Variants in CTNNA2 observed in about 807,000 individuals in gnomAD.
CTNNA2 encodes catenin alpha-2.
In CTNNA2, 42 loss-of-function variants were observed where a neutral mutation model predicts 101.0. The ratio of observed to expected loss-of-function variants is 0.42; its 90% CI spans 0.32 to 0.54. CTNNA2 has a LOEUF of 0.54. Among genes scored for constraint, CTNNA2 ranks in the 20% least tolerant of loss-of-function variants. The pLI is 0.14. For synonymous variants in CTNNA2, 450 were observed against 456.4 expected (o/e 0.99, Z 0.18); for missense variants, 871 against 1,223.1 (o/e 0.71, Z 4.29).
At chr2:80,602,628 A>G (rs1214375371) in intron 15 of CTNNA2, among the ~76,000 whole-genome samples, 1 of 152,132 alleles carries the variant, frequency 6.6e-6, no homozygotes, top group African/African-American at 2.4e-5. Flanking sequence ...TCCTTAAAAA[A>G]TAAAAACCAT....
intron 3 of CTNNA2, among the ~76,000 whole-genome samples, chr2:79,336,642 C>A (rs1677000201): frequency 6.6e-6 from 1 of 152,088 alleles, no homozygotes; most frequent in African/African-American, 2.4e-5. Flanking sequence ...TTGTTGGATG[C>A]CCCATCTTCT....
At chr2:80,397,549 G>A (rs1678128590) in intron 8 of CTNNA2, among the ~76,000 whole-genome samples, 1 of 152,116 alleles carries the variant, frequency 6.6e-6, no homozygotes, top group South Asian at 2.1e-4. Context: ...CACAAGACCT[G>A]ATGGTTTTAT....
chr2:80,476,073 T>C (rs1685705262), intron 9 of CTNNA2, among the ~76,000 whole-genome samples: 1 of 152,140 alleles, frequency 6.6e-6, no homozygotes, highest in Non-Finnish European at 1.5e-5. Flanking sequence ...TATCTCTTTA[T>C]TTTTTTACAT....
At chr2:79,745,813 G>A (rs887126149) in intron 3 of CTNNA2, among the ~76,000 whole-genome samples, 4 of 152,174 alleles carry the variant, frequency 2.6e-5, no homozygotes, top group Admixed American at 2.6e-4. Flanking sequence ...ATTCACGGAT[G>A]TTTGGGTTGC....
chr2:80,425,009 C>G (rs1170982219), intron 9 of CTNNA2, among the ~76,000 whole-genome samples: 1 of 152,208 alleles, frequency 6.6e-6, no homozygotes, highest in African/African-American at 2.4e-5. Context: ...CCAAGGAATT[C>G]TCTTCCTCTC....
rs1004219475 is a variant in CTNNA2 at position 80,348,370 on chromosome 2, G to A, written c.1057-44841G>A. ...TTCCGAATATGTTTTCAGAGGGAAG[G>A]TTATGGTCTAAAGAATGTCATTTAA... On this transcript the variant is annotated intron_variant, in intron 7 of 18. Transcript: ENST00000402739. Among the ~76,000 whole-genome samples the A allele has an allele frequency of 5.3e-5, 8 of 152,266 alleles. No homozygotes were observed. The Middle Eastern group carries it at 0.014, about 259-fold the overall frequency.
intron 7 of CTNNA2, among the ~76,000 whole-genome samples, chr2:80,080,660 AT>A (rs1377142706): frequency 6.6e-6 from 1 of 152,120 alleles, no homozygotes; most frequent in African/African-American, 2.4e-5. Context: ...CACATATTTT[AT>A]TTGGAGACCT....
chr2:79,992,785 A>G (rs1692273538), intron 7 of CTNNA2, among the ~76,000 whole-genome samples: 1 of 152,220 alleles, frequency 6.6e-6, no homozygotes, highest in African/African-American at 2.4e-5. Context: ...TGAGTATAGT[A>G]GGCATGTATA....
intron 2 of CTNNA2, among the ~76,000 whole-genome samples, chr2:79,655,329 C>A (rs2104496389): frequency 1.3e-5 from 2 of 152,238 alleles, no homozygotes; most frequent in Admixed American, 1.3e-4. Context: ...AATGTAGCTT[C>A]TGTTTTTCCT....
At chr2:80,528,461 G>A (rs1176955361) in intron 9 of CTNNA2, among the ~76,000 whole-genome samples, 1 of 152,116 alleles carries the variant, frequency 6.6e-6, no homozygotes, top group East Asian at 1.9e-4. Flanking sequence ...CTCCCAAAGT[G>A]CTGGGATTAC....
chr2:80,646,374 A>G (rs571657460), intron 18 of CTNNA2, among the ~76,000 whole-genome samples: 1 of 152,274 alleles, frequency 6.6e-6, no homozygotes, highest in African/African-American at 2.4e-5. Flanking sequence ...AAGTTTGATG[A>G]AAGATCAGAC....
chr2:79,706,242 A>G (rs900056461), intron 2 of CTNNA2, among the ~76,000 whole-genome samples: 2 of 151,882 alleles, frequency 1.3e-5, no homozygotes, highest in South Asian at 2.1e-4. Flanking sequence ...GGGCGCCTGT[A>G]GTCCCAGCTT....
At position 79,858,897 on chromosome 2, in the gene CTNNA2, T is replaced by G. The variant is rs147432259; in HGVS notation, c.465+718T>G. ...CTCATCACAAACTTTAATGGAATAG[T>G]GATTAAGGCTACCTCCCCAGTCCTT... is the stretch of plus-strand genomic sequence containing the variant. On this transcript the variant is annotated intron_variant, in intron 4 of 18. Coordinates refer to ENST00000402739, the MANE Select transcript of CTNNA2 (RefSeq NM_001282597.3). Among the ~76,000 whole-genome samples, 1,403 of 152,000 alleles carry G rather than the reference T, an allele frequency of 9.2e-3. 31 individuals carry two copies. The highest frequency in any genetic ancestry group is 0.032 in the African/African-American group (1,313 of 41,426).
chr2:80,629,309 C>T (rs771966930), intron 18 of CTNNA2, among the ~76,000 whole-genome samples: 2 of 151,912 alleles, frequency 1.3e-5, no homozygotes, highest in East Asian at 1.9e-4. Context: ...GAGGAATCAC[C>T]GACAGAGAGG....
intron 4 of CTNNA2, among the ~76,000 whole-genome samples, chr2:79,463,063 T>C (rs1402007808): frequency 6.6e-6 from 1 of 152,144 alleles, no homozygotes; most frequent in African/African-American, 2.4e-5. Context: ...TAACTGGTCA[T>C]ATAGAGTTAG....
intron 2 of CTNNA2, among the ~76,000 whole-genome samples, chr2:79,299,888 A>T (rs1243573304): frequency 6.6e-6 from 1 of 152,236 alleles, no homozygotes; most frequent in Non-Finnish European, 1.5e-5. Context: ...AGGTGAAAAT[A>T]TGCATTTTAA....
Position 80,608,273 on chromosome 2 carries a change from G to C in CTNNA2, c.2385G>C (p.Val795=). The part of the protein sequence containing the change: ...YCHQLNICSK[V]KAEVQNLGGE... ...ATCAGCTTAATATCTGCAGCAAGGT[G>C]AAGGCAGAAGTGCAGAATCTGGGAG... is the stretch of plus-strand genomic sequence containing the variant. The change falls in exon 17 of 19, where the codon GTG becomes GTC. Residue 795 remains valine, a synonymous_variant. Coordinates refer to ENST00000402739, the MANE Select transcript of CTNNA2 (RefSeq NM_001282597.3). 6.2e-7 allele frequency: 1 copy of C among 1,611,024 alleles called. No homozygotes were observed. The highest frequency in any genetic ancestry group is 1.1e-5 in the South Asian group (1 of 90,948).
At chr2:80,408,589 A>C (rs1391017024) in intron 8 of CTNNA2, among the ~76,000 whole-genome samples, 1 of 152,202 alleles carries the variant, frequency 6.6e-6, no homozygotes, top group African/African-American at 2.4e-5. Context: ...TGGGCTCAAG[A>C]AGCTTGTGCC....
At chr2:80,526,779 G>T (rs181374086) in intron 9 of CTNNA2, among the ~76,000 whole-genome samples, 1 of 152,176 alleles carries the variant, frequency 6.6e-6, no homozygotes, top group Non-Finnish European at 1.5e-5. Context: ...CAACTCTTGC[G>T]TCATTTCAGG....
Sources: allele counts gnomAD v4.1 joint callset (sites outside exome capture counted in the v4.1 genomes callset), GRCh38; gene constraint gnomAD v4.1.1; transcripts MANE v1.5; gene names NCBI Gene and HGNC (gene_info 2026-07-23, HGNC 2026-07-21).